NWD2: variants seen among roughly 807,000 people sequenced by gnomAD.
The protein encoded by NWD2 is NACHT and WD repeat domain containing 2.
Under a neutral mutation model 132.7 loss-of-function variants are expected in NWD2, and 37 were observed. The observed-to-expected ratio is 0.28, with a 90% CI of 0.21 to 0.37. The LOEUF (loss-of-function observed/expected upper bound fraction) is 0.37. Ranked by LOEUF, NWD2 falls within the 10% of genes least tolerant of loss-of-function variation. The probability of loss-of-function intolerance (pLI) is 1.00; values close to 1 mark genes in which losing one functional copy is unlikely to be tolerated. For missense variants in NWD2, 1,592 were observed against 2,122.4 expected, an observed-to-expected ratio of 0.75 and a Z score of 4.91; for synonymous variants, 705 against 803.0, an observed-to-expected ratio of 0.88 and a Z score of 2.06.
chr4:37,404,439 A>G (rs758743501), intron 3 of NWD2, among the ~76,000 whole-genome samples: 17 of 152,242 alleles, frequency 1.1e-4, no homozygotes, highest in Middle Eastern at 3.4e-3. Flanking sequence ...CTTTTTATCC[A>G]GTGGAGGCCA....
At chr4:37,314,836 G>A (rs1718927499) in intron 1 of NWD2, among the ~76,000 whole-genome samples, 1 of 151,906 alleles carries the variant, frequency 6.6e-6, no homozygotes, top group Non-Finnish European at 1.5e-5. Flanking sequence ...AAATTTTCTA[G>A]TTTCTTAAGG....
chr4:37,264,522 G>A (rs1250215331), intron 1 of NWD2, among the ~76,000 whole-genome samples: 1 of 152,094 alleles, frequency 6.6e-6, no homozygotes, highest in African/African-American at 2.4e-5. Flanking sequence ...ATATCTGGAT[G>A]TGCTCATATG....
At position 37,443,430 on chromosome 4, in the gene NWD2, T is replaced by A; in HGVS notation, c.1442T>A (p.Leu481Gln). ...CEQLAVNYRC[L>Q]VQSYPKKIHD... Reference sequence around the variant, plus strand: ...CAATTGGCAGTTAACTACCGGTGTCTGGTTCAAAGCTACCCTAAGAAGATC... The same window carrying A: ...CAATTGGCAGTTAACTACCGGTGTCAGGTTCAAAGCTACCCTAAGAAGATC... Residue 481 changes from leucine (L) to glutamine (Q), a missense_variant, in exon 7 of 7, where the codon CTG (leucine) becomes CAG (glutamine). Leu to Gln is a moderately radical substitution (Grantham distance 113). This residue lies in a region of NWD2 where 1,071 missense variants were observed against 1,398.0 expected (regional missense o/e 0.77). Coordinates refer to ENST00000309447, the MANE Select transcript of NWD2 (RefSeq NM_001144990.2). The surrounding 1 kb of genome is among the most constrained non-coding windows in gnomAD (Gnocchi z 4.1). 6.4e-7 allele frequency: 1 copy of A among 1,552,292 alleles called. No homozygotes were observed. Among genetic ancestry groups the A allele is most frequent in the Non-Finnish European group, 8.7e-7 (1 of 1,147,122 alleles).
intron 2 of NWD2, among the ~76,000 whole-genome samples, chr4:37,354,983 C>A (rs1416460493): frequency 6.6e-6 from 1 of 152,010 alleles, no homozygotes; most frequent in Admixed American, 6.6e-5. Context: ...TAGATGATTT[C>A]TGTGCTCTTC....
chr4:37,333,410 G>C (rs1032905968), intron 2 of NWD2, among the ~76,000 whole-genome samples: 1 of 152,164 alleles, frequency 6.6e-6, no homozygotes, highest in Non-Finnish European at 1.5e-5. Flanking sequence ...CTGTTTGAGA[G>C]AAAGTAAGGG....
chr4:37,445,607 T>G lies in NWD2; in HGVS notation c.3619T>G (p.Cys1207Gly). 6.4e-7 allele frequency: 1 copy of G among 1,552,294 alleles called. No individual in the cohort carries two copies. Among genetic ancestry groups the G allele is most frequent in the Non-Finnish European group, 8.7e-7 (1 of 1,147,128 alleles). The change falls in exon 7 of 7, where the codon TGT (cysteine) becomes GGT (glycine). Residue 1207 changes from cysteine (C) to glycine (G), a missense_variant. Cys to Gly is a radical substitution (Grantham distance 159, BLOSUM62 -3). Around this residue, in one of 7 missense-constraint regions of NWD2, gnomAD observed 1,071 missense variants for 1,398.0 expected, o/e 0.77. Transcript: ENST00000309447. The surrounding 1 kb of genome is among the most constrained non-coding windows in gnomAD (Gnocchi z 4.7). ...AGAAGACCAAAGTGCAGTTCTGATC[T>G]GTAAAGCCCTCAGCATTGAGCTCTT... ...LSEDQSAVLI[C>G]KALSIELLDT...
intron 3 of NWD2, among the ~76,000 whole-genome samples, chr4:37,379,601 G>C (rs1451947435): frequency 6.6e-6 from 1 of 152,152 alleles, no homozygotes; most frequent in East Asian, 1.9e-4. Context: ...CTGAGACACG[G>C]AATTGTGGAG....
At chr4:37,318,375 T>C (rs1719001308) in intron 1 of NWD2, among the ~76,000 whole-genome samples, 1 of 152,150 alleles carries the variant, frequency 6.6e-6, no homozygotes, top group Non-Finnish European at 1.5e-5. Context: ...GGTCTTGCCT[T>C]CCATGAATTC....
chr4:37,249,477 G>A (rs571521123), intron 1 of NWD2, among the ~76,000 whole-genome samples: 4 of 152,162 alleles, frequency 2.6e-5, no homozygotes, highest in African/African-American at 7.2e-5. Context: ...TCCCTGGCTC[G>A]TGGACAGAGT....
At chr4:37,267,175 G>A (rs1035928906) in intron 1 of NWD2, among the ~76,000 whole-genome samples, 1 of 151,974 alleles carries the variant, frequency 6.6e-6, no homozygotes, top group Admixed American at 6.6e-5. Context: ...TGACTGTACG[G>A]CTAGAAATAA....
intron 3 of NWD2, among the ~76,000 whole-genome samples, chr4:37,367,772 G>A (rs1475111428): frequency 6.6e-6 from 1 of 152,048 alleles, no homozygotes; most frequent in Non-Finnish European, 1.5e-5. Context: ...CAACCCATGG[G>A]GCTGTTATTT....
At position 37,286,464 on chromosome 4, in the gene NWD2, A is replaced by G. The variant is rs185798955; in HGVS notation, c.152-39472A>G. ...TGGAAAGTATCTTCACAAGATACTC[A>G]CTTATATGTTAATCAAATGGAGGTC... On this transcript the variant is annotated intron_variant, in intron 1 of 6. Coordinates refer to ENST00000309447, the MANE Select transcript of NWD2 (RefSeq NM_001144990.2). Among the ~76,000 whole-genome samples the G allele has an allele frequency of 2.9e-3, 448 of 152,362 alleles. 2 individuals carry two copies. The highest frequency in any genetic ancestry group is 9.9e-3 in the African/African-American group (413 of 41,590).
intron 1 of NWD2, among the ~76,000 whole-genome samples, chr4:37,288,919 G>C (rs564543438): frequency 2.6e-5 from 4 of 152,084 alleles, no homozygotes; most frequent in Non-Finnish European, 4.4e-5. Context: ...AAATAAAACT[G>C]AGCTCTAGGG....
At chr4:37,371,072 CTTTTTCTTTTT>C (rs1720217611) in intron 3 of NWD2, among the ~76,000 whole-genome samples, 1 of 100,526 alleles carries the variant, frequency 9.9e-6, no homozygotes, top group Non-Finnish European at 1.9e-5. Context: ...ATTTTTTTTT[CTTTTTCTTTTT>C]TTTTTTTTTT....
chr4:37,429,944 C>G (rs1002748241), intron 3 of NWD2, among the ~76,000 whole-genome samples: 1 of 148,896 alleles, frequency 6.7e-6, no homozygotes, highest in Non-Finnish European at 1.5e-5. Context: ...CATCAGCACT[C>G]TATGGTTATT....
chr4:37,250,159 T>TACAC (rs59150547), intron 1 of NWD2, among the ~76,000 whole-genome samples: 41,180 of 148,946 alleles, frequency 0.28, 6,066 homozygotes, highest in South Asian at 0.42. Flanking sequence ...TGTGTGTGTA[T>TACAC]ACACACACAC....
chr4:37,296,226 C>T (rs958459152), intron 1 of NWD2, among the ~76,000 whole-genome samples: 12 of 152,068 alleles, frequency 7.9e-5, no homozygotes, highest in African/African-American at 2.9e-4. Context: ...GGGGTGCCTT[C>T]GGGAGAAAAT....
chr4:37,424,035 G>A (rs548701897), intron 3 of NWD2, among the ~76,000 whole-genome samples: 9 of 152,260 alleles, frequency 5.9e-5, no homozygotes. Context: ...CTCCACAGTA[G>A]AGTTCTTAAT....
At chr4:37,414,914 A>T (rs982019455) in intron 3 of NWD2, among the ~76,000 whole-genome samples, 2 of 152,214 alleles carry the variant, frequency 1.3e-5, no homozygotes, top group African/African-American at 2.4e-5. Context: ...TATTTTACAG[A>T]TAAGGGAGCA....
Sources: allele counts gnomAD v4.1 joint callset (sites outside exome capture counted in the v4.1 genomes callset), GRCh38; gene constraint gnomAD v4.1.1; regional missense constraint gnomAD v4.1.1; non-coding constraint Gnocchi (gnomAD v3.1); transcripts MANE v1.5; gene names NCBI Gene and HGNC (gene_info 2026-07-23, HGNC 2026-07-21).